The following TLR6 variants were observed in gnomAD, a reference collection of about 807,000 sequenced individuals.
The protein encoded by TLR6 is toll-like receptor 6.
Under a neutral mutation model 16.1 loss-of-function variants are expected in TLR6, and 9 were observed. That is an observed-to-expected ratio of 0.56 (90% CI 0.34 to 0.98). The LOEUF (loss-of-function observed/expected upper bound fraction) is 0.98. TLR6 is among the 50% of genes least tolerant of loss of function. TLR6 has a pLI of 0.02. For synonymous variants in TLR6, 340 were observed against 338.6 expected (o/e 1.00, Z -0.04); for missense variants, 786 against 921.0 (o/e 0.85, Z 1.90).
At chr4:38,865,170 T>A in the TLR6 span, among the ~76,000 whole-genome samples, 6 of 152,186 alleles carry the variant, frequency 3.9e-5, no homozygotes, top group Non-Finnish European at 7.3e-5. Flanking sequence ...CTGCAAAAAA[T>A]TTTGTTAAAT....
chr4:38,826,992 T>A, exon 2 of TLR6: 4 of 1,033,600 alleles, frequency 3.9e-6, no homozygotes. Flanking sequence ...ATGAGGATAA[T>A]GGAGGCACCT....
intron 1 of TLR6, among the ~76,000 whole-genome samples, chr4:38,856,448 AG>A (rs137939732): frequency 0.012 from 1,761 of 152,352 alleles, 41 homozygotes; most frequent in African/African-American, 0.037. Context: ...AATAAACTAG[AG>A]AAAGACGAAA....
intron 1 of TLR6, among the ~76,000 whole-genome samples, chr4:38,850,524 G>C (rs145273408): frequency 6.6e-6 from 1 of 151,952 alleles, no homozygotes; most frequent in Non-Finnish European, 1.5e-5. Context: ...TCAAATCAAC[G>C]CAATAAAAAA....
At chr4:38,832,612 G>A (rs1428422039) in intron 1 of TLR6, among the ~76,000 whole-genome samples, 1 of 152,114 alleles carries the variant, frequency 6.6e-6, no homozygotes, top group African/African-American at 2.4e-5. Flanking sequence ...GCTCTTTTAA[G>A]AGCCCAGCCC....
At chr4:38,848,338 CAG>C (rs1392802744) in intron 1 of TLR6, among the ~76,000 whole-genome samples, 1 of 152,302 alleles carries the variant, frequency 6.6e-6, no homozygotes, top group South Asian at 2.1e-4. Context: ...GGGGAAAAAA[CAG>C]AGCAGAAAAG....
intron 1 of TLR6, among the ~76,000 whole-genome samples, chr4:38,850,399 T>C (rs1712718111): frequency 6.6e-6 from 1 of 152,074 alleles, no homozygotes; most frequent in African/African-American, 2.4e-5. Context: ...CTGAAGGAGA[T>C]AGAGACACAA....
At chr4:38,861,307 C>T (rs1713189473), upstream of TLR6, among the ~76,000 whole-genome samples, 2 of 152,158 alleles carry the variant, frequency 1.3e-5, no homozygotes, top group Admixed American at 6.5e-5. Flanking sequence ...GACATTCTCT[C>T]TTCTAATAAT....
intron 1 of TLR6, among the ~76,000 whole-genome samples, chr4:38,840,350 C>A (rs1451791571): frequency 6.6e-6 from 1 of 152,102 alleles, no homozygotes; most frequent in Non-Finnish European, 1.5e-5. Context: ...TAAGAAGACA[C>A]AGGACTGGCG....
exon 2 of TLR6, chr4:38,827,267 A>C: frequency 6.2e-7 from 1 of 1,614,200 alleles, no homozygotes; most frequent in Non-Finnish European, 8.5e-7. Context: ...AATGGGTTCC[A>C]GTAAGATGAG....
At chr4:38,866,449 C>T in the TLR6 span, among the ~76,000 whole-genome samples, 46 of 151,740 alleles carry the variant, frequency 3.0e-4, no homozygotes, top group South Asian at 1.2e-3. Flanking sequence ...GCTGAGATCA[C>T]GCCACTGCTT....
intron 1 of TLR6, among the ~76,000 whole-genome samples, chr4:38,834,222 G>C (rs542095701): frequency 6.7e-6 from 1 of 149,880 alleles, no homozygotes; most frequent in Non-Finnish European, 1.5e-5. Flanking sequence ...TGGGTGACAA[G>C]AGCAAAACTC....
chr4:38,824,199 C>T (rs1281317634), exon 2 of TLR6: 2 of 152,086 alleles, frequency 1.3e-5, no homozygotes. Context: ...TGCGCATCTA[C>T]AATGGGGTGC....
At chr4:38,847,844 T>A (rs1712597086) in intron 1 of TLR6, among the ~76,000 whole-genome samples, 1 of 152,228 alleles carries the variant, frequency 6.6e-6, no homozygotes, top group Non-Finnish European at 1.5e-5. Context: ...CTCTGTAGAC[T>A]CCACCTCTGG....
At chr4:38,840,191 A>C (rs146077550) in intron 1 of TLR6, among the ~76,000 whole-genome samples, 1 of 152,232 alleles carries the variant, frequency 6.6e-6, no homozygotes. Flanking sequence ...ATGATGAAAA[A>C]TTTAGTTTAA....
At chr4:38,836,248 G>A (rs1711910552) in intron 1 of TLR6, among the ~76,000 whole-genome samples, 1 of 151,712 alleles carries the variant, frequency 6.6e-6, no homozygotes, top group South Asian at 2.1e-4. Context: ...ACCAAGACAA[G>A]AAAAGAAAGA....
intron 1 of TLR6, among the ~76,000 whole-genome samples, chr4:38,845,246 C>A (rs1187487080): frequency 2.0e-5 from 3 of 152,096 alleles, no homozygotes; most frequent in East Asian, 1.9e-4. Context: ...GCAAGGGGAC[C>A]TTTAGGGGAC....
At chr4:38,841,823 G>A (rs1028217801) in intron 1 of TLR6, among the ~76,000 whole-genome samples, 3 of 152,100 alleles carry the variant, frequency 2.0e-5, no homozygotes, top group South Asian at 2.1e-4. Context: ...GAGTGTTTAC[G>A]CATGCAACTG....
chr4:38,862,823 C>G, the TLR6 span, among the ~76,000 whole-genome samples: 3 of 149,842 alleles, frequency 2.0e-5, no homozygotes, highest in Admixed American at 1.3e-4. Flanking sequence ...TCTCGATCTC[C>G]TGACCTCATG....
intron 1 of TLR6, among the ~76,000 whole-genome samples, chr4:38,852,027 C>A (rs750969143): frequency 5.9e-5 from 9 of 152,166 alleles, no homozygotes; most frequent in Non-Finnish European, 1.2e-4. Context: ...GGTACCAAAA[C>A]AGAGATATAG....
Sources: allele counts gnomAD v4.1 joint callset (sites outside exome capture counted in the v4.1 genomes callset), GRCh38; gene constraint gnomAD v4.1.1; transcripts MANE v1.5; gene names NCBI Gene and HGNC (gene_info 2026-07-23, HGNC 2026-07-21).